Variants in ANGPT1 observed in about 807,000 individuals in gnomAD.
ANGPT1 encodes angiopoietin 1.
In ANGPT1, 17 loss-of-function variants were observed where a neutral mutation model predicts 62.2. The ratio of observed to expected loss-of-function variants is 0.27; its 90% CI spans 0.19 to 0.41. The LOEUF is 0.41. Ranked by LOEUF, ANGPT1 falls within the 10% of genes least tolerant of loss-of-function variation. ANGPT1 has a pLI of 1.00. For synonymous variants in ANGPT1, 199 were observed against 198.9 expected (o/e 1.00, Z 0.00); for missense variants, 478 against 594.9 (o/e 0.80, Z 2.04).
intron 7 of ANGPT1, among the ~76,000 whole-genome samples, chr8:107,274,753 T>C (rs1284607474): frequency 6.6e-6 from 1 of 152,156 alleles, no homozygotes; most frequent in African/African-American, 2.4e-5. Context: ...GTCAGCTGTG[T>C]GGATTCGCAC....
chr8:107,312,768 C>T (rs910397011), intron 4 of ANGPT1, among the ~76,000 whole-genome samples: 10 of 152,038 alleles, frequency 6.6e-5, no homozygotes, highest in African/African-American at 2.4e-4. Flanking sequence ...CAGGCAAACT[C>T]TAAGGTGTGC....
chr8:107,257,876 G>GTTTTTTGTTTTTTTTTTTTTTTT (rs1371396961), intron 8 of ANGPT1, among the ~76,000 whole-genome samples: 1 of 85,260 alleles, frequency 1.2e-5, no homozygotes, highest in African/African-American at 4.7e-5. Flanking sequence ...ACTTGTTTTT[G>GTTTTTTGTTTTTTTTTTTTTTTT]TTTCTTTTTT....
At position 107,437,119 on chromosome 8, in the gene ANGPT1, G is replaced by A. The variant is rs1024641735; in HGVS notation, c.297+60143C>T. ...AGGTTACATTTCCAGGACTTTCTCC[G>A]AAGTGCATATATTTTTCTAATATTA... On this transcript the variant is annotated intron_variant, in intron 1 of 8. Coordinates refer to ENST00000517746, the MANE Select transcript of ANGPT1 (RefSeq NM_001146.5). Among the ~76,000 whole-genome samples the A allele has an allele frequency of 3.9e-5, 6 of 152,244 alleles. No homozygotes were observed. The East Asian group carries it at 7.7e-4, about 20-fold the overall frequency.
At chr8:107,346,649 G>A (rs1187652693) in intron 2 of ANGPT1, among the ~76,000 whole-genome samples, 1 of 152,102 alleles carries the variant, frequency 6.6e-6, no homozygotes, top group Non-Finnish European at 1.5e-5. Context: ...TACTTTGTTT[G>A]ACACATATCA....
intron 6 of ANGPT1, among the ~76,000 whole-genome samples, chr8:107,287,919 A>G (rs1272701186): frequency 6.6e-6 from 1 of 152,198 alleles, no homozygotes; most frequent in Non-Finnish European, 1.5e-5. Flanking sequence ...TAGACAGAAA[A>G]CACTTAAAAA....
chr8:107,358,987 T>A (rs890544828), intron 1 of ANGPT1, among the ~76,000 whole-genome samples: 1 of 152,174 alleles, frequency 6.6e-6, no homozygotes, highest in Non-Finnish European at 1.5e-5. Flanking sequence ...TTTTTCTCCA[T>A]AGGTTTATAT....
chr8:107,327,116 A>C (rs929636949), intron 3 of ANGPT1, among the ~76,000 whole-genome samples: 1 of 152,182 alleles, frequency 6.6e-6, no homozygotes, highest in Non-Finnish European at 1.5e-5. Flanking sequence ...GTATAAAAAC[A>C]GAATTACTTT....
chr8:107,370,001 T>C (rs1323987121), intron 1 of ANGPT1, among the ~76,000 whole-genome samples: 1 of 151,572 alleles, frequency 6.6e-6, no homozygotes, highest in Non-Finnish European at 1.5e-5. Context: ...CTGGGTGTGG[T>C]GGCACGCATC....
At chr8:107,263,218 G>C (rs1204120440) in intron 8 of ANGPT1, among the ~76,000 whole-genome samples, 1 of 151,808 alleles carries the variant, frequency 6.6e-6, no homozygotes, top group Non-Finnish European at 1.5e-5. Context: ...GCCGGGCGTG[G>C]TGGTGGGCAC....
intron 1 of ANGPT1, among the ~76,000 whole-genome samples, chr8:107,386,694 C>T (rs1409313062): frequency 2.0e-5 from 3 of 152,008 alleles, no homozygotes; most frequent in Non-Finnish European, 4.4e-5. Context: ...GATAATTATA[C>T]CTAAGATTTG....
chr8:107,372,843 C>A (rs563959425), intron 1 of ANGPT1, among the ~76,000 whole-genome samples: 74 of 151,392 alleles, frequency 4.9e-4, no homozygotes, highest in African/African-American at 1.7e-3. Flanking sequence ...AGCCACCAAG[C>A]AGAAGACGTG....
At chr8:107,494,282 G>A (rs923613984) in intron 1 of ANGPT1, among the ~76,000 whole-genome samples, 3 of 152,144 alleles carry the variant, frequency 2.0e-5, no homozygotes, top group African/African-American at 7.2e-5. Context: ...ACAAAGTACA[G>A]GATGTGGGCT....
intron 8 of ANGPT1, among the ~76,000 whole-genome samples, chr8:107,254,770 C>A (rs912848347): frequency 6.6e-6 from 1 of 152,076 alleles, no homozygotes; most frequent in Non-Finnish European, 1.5e-5. Flanking sequence ...AATAGGCAGT[C>A]CTGGTGAGAA....
chr8:107,462,147 T>C (rs192911114), intron 1 of ANGPT1, among the ~76,000 whole-genome samples: 18 of 152,178 alleles, frequency 1.2e-4, no homozygotes, highest in Admixed American at 5.9e-4. Context: ...CAAGTTCAAT[T>C]AAACCCTATT....
At chr8:107,406,509 T>C (rs1817150806) in intron 1 of ANGPT1, among the ~76,000 whole-genome samples, 1 of 152,094 alleles carries the variant, frequency 6.6e-6, no homozygotes, top group African/African-American at 2.4e-5. Context: ...GCTAAAATTA[T>C]ATAAAATTCC....
At chr8:107,274,796 A>G (rs1421063821) in intron 7 of ANGPT1, among the ~76,000 whole-genome samples, 1 of 152,134 alleles carries the variant, frequency 6.6e-6, no homozygotes, top group African/African-American at 2.4e-5. Flanking sequence ...GCACAAAAAA[A>G]CCTTGTCAAT....
intron 1 of ANGPT1, among the ~76,000 whole-genome samples, chr8:107,494,014 C>T (rs1813031838): frequency 6.7e-6 from 1 of 150,274 alleles, no homozygotes; most frequent in Non-Finnish European, 1.5e-5. Flanking sequence ...CAATTCATAA[C>T]TATATTTTCC....
intron 4 of ANGPT1, among the ~76,000 whole-genome samples, chr8:107,319,761 T>C (rs879653043): frequency 3.9e-5 from 6 of 151,986 alleles, no homozygotes; most frequent in African/African-American, 7.2e-5. Context: ...ACAATGAAAA[T>C]CTTCATAAAA....
chr8:107,314,578 G>A (rs1219920099), intron 4 of ANGPT1, among the ~76,000 whole-genome samples: 3 of 152,104 alleles, frequency 2.0e-5, no homozygotes, highest in Non-Finnish European at 4.4e-5. Flanking sequence ...TTTGCCTTAA[G>A]CCACTGGGTT....
Sources: allele counts gnomAD v4.1 joint callset (sites outside exome capture counted in the v4.1 genomes callset), GRCh38; gene constraint gnomAD v4.1.1; transcripts MANE v1.5; gene names NCBI Gene and HGNC (gene_info 2026-07-23, HGNC 2026-07-21).